Variants in AFAP1 observed in about 807,000 individuals in gnomAD.
AFAP1 encodes actin filament associated protein 1.
In AFAP1, 75 loss-of-function variants were observed where a neutral mutation model predicts 93.9. That is an observed-to-expected ratio of 0.80 (90% CI 0.66 to 0.97). The LOEUF (loss-of-function observed/expected upper bound fraction) is 0.97. Ranked by LOEUF, AFAP1 falls within the 50% of genes least tolerant of loss-of-function variation. The pLI, the probability that AFAP1 is intolerant of heterozygous loss-of-function variation, is 0.00. For synonymous variants in AFAP1, 517 were observed against 430.7 expected (o/e 1.20, Z -2.48); for missense variants, 1,201 against 1,050.8 (o/e 1.14, Z -1.98).
intron 16 of AFAP1, among the ~76,000 whole-genome samples, chr4:7,770,072 C>A (rs555405078): frequency 6.6e-6 from 1 of 152,354 alleles, no homozygotes; most frequent in Non-Finnish European, 1.5e-5. Context: ...TGCAGCGGTG[C>A]AGAGTGCTTC....
intron 11 of AFAP1, among the ~76,000 whole-genome samples, chr4:7,792,224 G>A (rs561077612): frequency 1.2e-4 from 19 of 152,244 alleles, no homozygotes; most frequent in East Asian, 3.9e-4. Context: ...CCATGGAGTC[G>A]GAAAGCAGAT....
chr4:7,905,986 GGGGCCTGC>G (rs1719379162), intron 1 of AFAP1, among the ~76,000 whole-genome samples: 1 of 152,198 alleles, frequency 6.6e-6, no homozygotes. Flanking sequence ...GGCCAGCCTG[GGGGCCTGC>G]TGAAATGCCC....
rs978300738 is a variant in AFAP1, at chr4:7,762,130, C to T, written c.*1635G>A. On this transcript the variant is annotated 3_prime_UTR_variant, in exon 18 of 18. Transcript: ENST00000420658. ...TTCTTATACATGGGAGACCGCTTTC[C>T]GCTTCAGTAATCCAACGTGGCCCTT... is the stretch of plus-strand genomic sequence containing the variant. 6 of 152,234 alleles carry T rather than the reference C, an allele frequency of 3.9e-5. No individual in the cohort carries two copies. The highest frequency in any genetic ancestry group is 1.3e-4 in the Admixed American group (2 of 15,282). 9.4% of individuals were successfully genotyped at this position (152,234 alleles called of 1,614,324 possible).
intron 6 of AFAP1, among the ~76,000 whole-genome samples, chr4:7,824,838 T>A (rs938968901): frequency 6.6e-6 from 1 of 152,072 alleles, no homozygotes; most frequent in African/African-American, 2.4e-5. Context: ...TGGTGAAGGG[T>A]ACAGTGTACA....
At chr4:7,921,180 A>ATTTTTTTTT (rs1355925693) in intron 1 of AFAP1, among the ~76,000 whole-genome samples, 1 of 68,236 alleles carries the variant, frequency 1.5e-5, no homozygotes, top group South Asian at 6.6e-4. Context: ...TGAGAGCAAA[A>ATTTTTTTTT]CTTTTTTTTT....
In AFAP1 at chr4:7,816,107, G is replaced by C. The variant is rs776325584; in HGVS notation, c.823-8C>G. Reference sequence around the variant, plus strand: ...TCTCTCTGAAGACAGTTTCTGTAAGGAGAAAAAGATTAAGTTATTCTTACA... The same window carrying C: ...TCTCTCTGAAGACAGTTTCTGTAAGCAGAAAAAGATTAAGTTATTCTTACA... On this transcript the variant is annotated splice_polypyrimidine_tract_variant and splice_region_variant and intron_variant, in intron 7 of 17. Transcript: ENST00000420658. 1 of 1,606,244 alleles carries C rather than the reference G, an allele frequency of 6.2e-7. No individual in the cohort carries two copies. The highest frequency in any genetic ancestry group is 1.7e-5 in the Admixed American group (1 of 59,448).
At chr4:7,887,396 G>C (rs1353221016) in intron 1 of AFAP1, among the ~76,000 whole-genome samples, 3 of 152,180 alleles carry the variant, frequency 2.0e-5, no homozygotes, top group Admixed American at 6.5e-5. Context: ...ACACAGAAAT[G>C]ACGATGGGTG....
intron 1 of AFAP1, among the ~76,000 whole-genome samples, chr4:7,875,167 A>G (rs1717414446): frequency 6.6e-6 from 1 of 152,214 alleles, no homozygotes; most frequent in Non-Finnish European, 1.5e-5. Flanking sequence ...AAAAAGTTTG[A>G]GAGCTGCTCG....
chr4:7,878,892 G>T (rs1717679344), intron 1 of AFAP1, among the ~76,000 whole-genome samples: 1 of 152,128 alleles, frequency 6.6e-6, no homozygotes, highest in Non-Finnish European at 1.5e-5. Flanking sequence ...GCTCCCGGTG[G>T]AAGAAGCTCC....
chr4:7,889,701 T>A (rs373410254), intron 1 of AFAP1, among the ~76,000 whole-genome samples: 1 of 84,828 alleles, frequency 1.2e-5, no homozygotes, highest in African/African-American at 3.1e-5. Flanking sequence ...TTTTTTTTTT[T>A]TTTAAAAAAA....
In AFAP1 at chr4:7,939,817, G is replaced by A. The variant is rs766263663; in HGVS notation, c.-164C>T. The A allele has an allele frequency of 1.3e-4, 41 of 304,296 alleles. No individual in the cohort carries two copies. The highest frequency in any genetic ancestry group is 8.8e-4 in the African/African-American group (38 of 42,980). 18.8% of individuals were successfully genotyped at this position (304,296 alleles called of 1,614,324 possible). A position where few individuals can be genotyped will look rare whatever the true frequency, so the allele number is the denominator to read the frequency against. ...GTGTACCCCGCTCGAGATCCGGCTCGGCTCGCGGAGCTGCAGCCGGCGTGG... is the reference window on the plus strand; with the variant it reads ...GTGTACCCCGCTCGAGATCCGGCTCAGCTCGCGGAGCTGCAGCCGGCGTGG... On this transcript the variant is annotated 5_prime_UTR_variant, in exon 1 of 18. Transcript: ENST00000420658. This position sits in a 1 kb window ranked among gnomAD's most constrained non-coding sequence, Gnocchi z 5.6.
At chr4:7,842,267 G>A (rs1469327792) in intron 5 of AFAP1, among the ~76,000 whole-genome samples, 1 of 44,974 alleles carries the variant, frequency 2.2e-5, no homozygotes, top group Admixed American at 2.7e-4. Flanking sequence ...AACAAAAAAA[G>A]ATTCCCACAA....
chr4:7,788,422 A>G (rs12509628), intron 11 of AFAP1, among the ~76,000 whole-genome samples: 18,202 of 152,304 alleles, frequency 0.12, 1,303 homozygotes, highest in East Asian at 0.28. Context: ...GGCTCCTCAC[A>G]GAGCGCGTGT....
Position 7,838,585 on chromosome 4 carries a change from T to G in AFAP1, c.665A>C (p.Gln222Pro), listed in dbSNP as rs778743401. The G allele has an allele frequency of 6.2e-7, 1 of 1,614,224 alleles. No homozygotes were observed. The highest frequency in any genetic ancestry group is 1.3e-5 in the African/African-American group (1 of 75,064). ...GGCGAGAACAAGCGGGTCCGTGCCCTGCTGAGTAATCTTCAGCTCGTGCTT... is the reference window on the plus strand; with the variant it reads ...GGCGAGAACAAGCGGGTCCGTGCCCGGCTGAGTAATCTTCAGCTCGTGCTT... ...KKKHELKITQ[Q>P]GTDPLVLAVQ... The change falls in exon 6 of 18, where the codon CAG becomes CCG. Residue 222 changes from glutamine to proline, a missense_variant. By Grantham distance (76) the Gln-to-Pro change is moderately conservative (BLOSUM62 -1). Transcript: ENST00000420658.
At chr4:7,848,203 AAGGGAGGG>A (rs71175433) in intron 4 of AFAP1, among the ~76,000 whole-genome samples, 27 of 39,038 alleles carry the variant, frequency 6.9e-4, no homozygotes, top group African/African-American at 3.4e-3. Flanking sequence ...GGAAGGAAGC[AAGGGAGGG>A]AGGGAGGGAG....
At chr4:7,878,927 C>T (rs1057377080) in intron 1 of AFAP1, among the ~76,000 whole-genome samples, 2 of 152,188 alleles carry the variant, frequency 1.3e-5, no homozygotes, top group Non-Finnish European at 2.9e-5. Context: ...TTACATCCCT[C>T]ATAGGTTACG....
intron 3 of AFAP1, among the ~76,000 whole-genome samples, chr4:7,858,075 T>C (rs1434514801): frequency 1.3e-5 from 2 of 152,240 alleles, no homozygotes; most frequent in Non-Finnish European, 2.9e-5. Context: ...TGCTCAGATG[T>C]ACTGCTACAT....
chr4:7,869,097 G>C (rs1277192810), intron 2 of AFAP1, among the ~76,000 whole-genome samples: 2 of 145,972 alleles, frequency 1.4e-5, no homozygotes, highest in African/African-American at 5.1e-5. Context: ...GAAAGAAAAA[G>C]AGAAAGGGAA....
chr4:7,868,939 G>C (rs558652155), intron 2 of AFAP1, among the ~76,000 whole-genome samples: 3 of 127,586 alleles, frequency 2.4e-5, no homozygotes, highest in African/African-American at 8.8e-5. Context: ...AAGAGAAAGA[G>C]AAAGAGAAAG....
Sources: allele counts gnomAD v4.1 joint callset (sites outside exome capture counted in the v4.1 genomes callset), GRCh38; gene constraint gnomAD v4.1.1; non-coding constraint Gnocchi (gnomAD v3.1); transcripts MANE v1.5; gene names NCBI Gene and HGNC (gene_info 2026-07-23, HGNC 2026-07-21).